Variants in STAG1 observed in about 807,000 individuals in gnomAD.
STAG1 encodes STAG1 cohesin complex component, also known as cohesin subunit SA-1.
Under a neutral mutation model 170.9 loss-of-function variants are expected in STAG1, and 26 were observed. The ratio of observed to expected loss-of-function variants is 0.15; its 90% CI spans 0.11 to 0.21. The LOEUF is 0.21. Among genes scored for constraint, STAG1 ranks in the 10% least tolerant of loss-of-function variants. The pLI, the probability that STAG1 is intolerant of heterozygous loss-of-function variation, is 1.00. For synonymous variants in STAG1, 514 were observed against 497.7 expected, an observed-to-expected ratio of 1.03 and a Z score of -0.44; for missense variants, 964 against 1,509.5, an observed-to-expected ratio of 0.64 and a Z score of 5.99.
chr3:136,562,396 G>A (rs1205656874), intron 5 of STAG1, among the ~76,000 whole-genome samples: 2 of 151,730 alleles, frequency 1.3e-5, no homozygotes, highest in African/African-American at 4.8e-5. Context: ...AAGCAGCTGG[G>A]ATTACGGGCA....
At chr3:136,503,626 T>C (rs35644083) in intron 7 of STAG1, among the ~76,000 whole-genome samples, 55,419 of 152,052 alleles carry the variant, frequency 0.36, 11,176 homozygotes, top group African/African-American at 0.53. Context: ...TATGAACATT[T>C]GGTTATTAAA....
chr3:136,601,512 CA>C (rs1938674318), intron 4 of STAG1, among the ~76,000 whole-genome samples: 1 of 151,918 alleles, frequency 6.6e-6, no homozygotes, highest in African/African-American at 2.4e-5. Context: ...AAATAAGAAA[CA>C]AAAAGTTTCA....
At chr3:136,671,050 C>G (rs1340945420) in intron 1 of STAG1, among the ~76,000 whole-genome samples, 12 of 151,814 alleles carry the variant, frequency 7.9e-5, no homozygotes. Context: ...TTTGGGAGGC[C>G]GAGGCGGGCA....
chr3:136,684,434 T>C (rs891786658), intron 1 of STAG1, among the ~76,000 whole-genome samples: 2 of 152,082 alleles, frequency 1.3e-5, no homozygotes, highest in East Asian at 1.9e-4. Context: ...GAAGAAAAGA[T>C]AGGCTTTTCA....
chr3:136,608,906 A>G (rs1939109790), intron 3 of STAG1: 1 of 151,934 alleles, frequency 6.6e-6, no homozygotes, highest in Non-Finnish European at 1.5e-5. Flanking sequence ...TACACCTCCC[A>G]TATGTTACAC....
chr3:136,610,390 G>A (rs1576664460), intron 3 of STAG1, among the ~76,000 whole-genome samples: 1 of 152,084 alleles, frequency 6.6e-6, no homozygotes, highest in Admixed American at 6.6e-5. Context: ...CCTTGATCAT[G>A]GCTCTCCCTG....
chr3:136,736,832 G>A, intron 1 of STAG1: 1 of 1,583,764 alleles, frequency 6.3e-7, no homozygotes. Context: ...TTCCTTCTTT[G>A]TTTTTTTCGC....
At chr3:136,402,313 G>T (rs1199932568) in intron 21 of STAG1, among the ~76,000 whole-genome samples, 2 of 151,762 alleles carry the variant, frequency 1.3e-5, no homozygotes, top group Admixed American at 1.3e-4. Flanking sequence ...CTCCTCCCGG[G>T]TTCAAGTGAT....
chr3:136,500,180 G>GT (rs1559843103), intron 9 of STAG1, 43 bp downstream of exon 9: 2 of 1,250,046 alleles, frequency 1.6e-6, no homozygotes, highest in East Asian at 4.8e-5. Flanking sequence ...ATCAATAATT[G>GT]TTTAAGTGAA....
chr3:136,466,780 G>A (rs1341714016), intron 12 of STAG1, among the ~76,000 whole-genome samples: 1 of 152,216 alleles, frequency 6.6e-6, no homozygotes, highest in Non-Finnish European at 1.5e-5. Context: ...ACAAAGGGAA[G>A]CCCATCAGAC....
At chr3:136,668,181 C>A (rs1344670652) in intron 1 of STAG1, among the ~76,000 whole-genome samples, 3 of 150,664 alleles carry the variant, frequency 2.0e-5, no homozygotes, top group Middle Eastern at 3.2e-3. Flanking sequence ...TGCAATGAGG[C>A]GAGATCATGC....
intron 25 of STAG1, among the ~76,000 whole-genome samples, chr3:136,364,666 G>C (rs1162889671): frequency 1.3e-5 from 2 of 151,986 alleles, no homozygotes; most frequent in Non-Finnish European, 2.9e-5. Context: ...ACAGTGACTG[G>C]GAAAAGTTAT....
chr3:136,629,785 T>A (rs1940253932), intron 2 of STAG1, among the ~76,000 whole-genome samples: 2 of 152,188 alleles, frequency 1.3e-5, no homozygotes, highest in African/African-American at 2.4e-5. Flanking sequence ...TTTTATTATA[T>A]CTAAACCATT....
At chr3:136,353,928 A>G (rs551755367) in intron 28 of STAG1, among the ~76,000 whole-genome samples, 7 of 152,352 alleles carry the variant, frequency 4.6e-5, no homozygotes, top group African/African-American at 1.7e-4. Context: ...TGTTGGGTCA[A>G]TAACATAGAA....
At chr3:136,521,133 T>C (rs1934650058) in intron 7 of STAG1, 80 bp downstream of exon 7, 2 of 1,145,336 alleles carry the variant, frequency 1.7e-6, no homozygotes, top group Admixed American at 2.5e-5. Context: ...TTTAATTAAA[T>C]CTTCTCATTA....
At chr3:136,636,084 C>T (rs1302374901) in intron 1 of STAG1, among the ~76,000 whole-genome samples, 1 of 151,908 alleles carries the variant, frequency 6.6e-6, no homozygotes, top group Non-Finnish European at 1.5e-5. Context: ...CCCATCTCTA[C>T]TAAAAATACA....
chr3:136,587,403 G>C (rs1391734066), intron 4 of STAG1, among the ~76,000 whole-genome samples: 1 of 151,958 alleles, frequency 6.6e-6, no homozygotes, highest in African/African-American at 2.4e-5. Context: ...AGCCAGGCAT[G>C]GTGGTAGGCA....
At chr3:136,705,883 T>A (rs1382982045) in intron 1 of STAG1, among the ~76,000 whole-genome samples, 1 of 151,998 alleles carries the variant, frequency 6.6e-6, no homozygotes, top group African/African-American at 2.4e-5. Context: ...GGCTCATGCC[T>A]ATAATCCCAG....
At chr3:136,449,355 G>C (rs148088648) in intron 14 of STAG1, among the ~76,000 whole-genome samples, 11 of 152,276 alleles carry the variant, frequency 7.2e-5, no homozygotes, top group African/African-American at 1.4e-4. Flanking sequence ...GAGGTTAGGA[G>C]TTCGAGACCA....
Sources: gnomAD v4.1 joint callset for allele counts (sites outside exome capture counted in the v4.1 genomes callset) on GRCh38, gnomAD v4.1.1 for gene constraint, MANE v1.5 for transcripts, NCBI Gene and HGNC (gene_info 2026-07-23, HGNC 2026-07-21) for gene names.